STXBP4: variants seen among roughly 807,000 people sequenced by gnomAD.
The protein encoded by STXBP4 is syntaxin-binding protein 4.
In STXBP4, 55 loss-of-function variants were observed where a neutral mutation model predicts 76.1. That is an observed-to-expected ratio of 0.72 (90% confidence interval 0.58 to 0.91). The LOEUF (loss-of-function observed/expected upper bound fraction) is 0.91, where lower values mean the gene tolerates loss of function less well. Among genes scored for constraint, STXBP4 ranks in the 40% least tolerant of loss-of-function variants. STXBP4 has a pLI of 0.00. For synonymous variants in STXBP4, 201 were observed against 220.2 expected (o/e 0.91, Z 0.77); for missense variants, 618 against 636.9 (o/e 0.97, Z 0.32).
intron 4 of STXBP4, 36 bp downstream of exon 4, chr17:54,990,993 C>CA (rs746001686): frequency 1.3e-6 from 2 of 1,483,370 alleles, no homozygotes; most frequent in African/African-American, 2.9e-5. Context: ...AAAATACAAA[C>CA]AAAAAGACCC....
At chr17:55,146,824 A>G (rs867688862) in intron 17 of STXBP4, among the ~76,000 whole-genome samples, 18 of 152,214 alleles carry the variant, frequency 1.2e-4, no homozygotes, top group African/African-American at 4.1e-4. Flanking sequence ...TCACCATATC[A>G]TGAACACATA....
At chr17:55,187,722 C>T in the STXBP4 span, among the ~76,000 whole-genome samples, 53 of 152,204 alleles carry the variant, frequency 3.5e-4, no homozygotes, top group African/African-American at 1.2e-3. Context: ...GTCTGGACCA[C>T]GGGATGGCTG....
chr17:55,035,764 A>C (rs1470384196), intron 10 of STXBP4, among the ~76,000 whole-genome samples: 7 of 151,924 alleles, frequency 4.6e-5, no homozygotes, highest in South Asian at 4.1e-4. Flanking sequence ...GTCCCTTATG[A>C]AATTACCATA....
At chr17:54,992,664 TAGTAG>T (rs1225799834) in intron 4 of STXBP4, among the ~76,000 whole-genome samples, 1 of 150,654 alleles carries the variant, frequency 6.6e-6, no homozygotes, top group Non-Finnish European at 1.5e-5. Context: ...TATAATGCAA[TAGTAG>T]ATCAGGGTAC....
At chr17:55,194,818 A>G in the STXBP4 span, among the ~76,000 whole-genome samples, 1 of 152,194 alleles carries the variant, frequency 6.6e-6, no homozygotes, top group Non-Finnish European at 1.5e-5. Context: ...AGACAGGTAG[A>G]GCAGTGTGAG....
intron 17 of STXBP4, among the ~76,000 whole-genome samples, chr17:55,145,164 C>G (rs755018796): frequency 1.3e-5 from 2 of 152,126 alleles, no homozygotes; most frequent in Non-Finnish European, 2.9e-5. Flanking sequence ...GGAACTATTT[C>G]GTTTTGGTTT....
chr17:55,060,206 T>G (rs1024635928), intron 12 of STXBP4, among the ~76,000 whole-genome samples: 7 of 152,164 alleles, frequency 4.6e-5, no homozygotes, highest in African/African-American at 1.7e-4. Flanking sequence ...CCATGGATAC[T>G]ATTCAGCTTT....
intron 16 of STXBP4, among the ~76,000 whole-genome samples, chr17:55,132,021 G>C (rs2787487): frequency 0.63 from 96,522 of 152,044 alleles, 31,539 homozygotes; most frequent in African/African-American, 0.79. Flanking sequence ...CTGCACCTGG[G>C]CAACAGCAGT....
At chr17:55,074,351 C>T (rs1056454756) in intron 13 of STXBP4, among the ~76,000 whole-genome samples, 4 of 151,918 alleles carry the variant, frequency 2.6e-5, no homozygotes, top group East Asian at 1.9e-4. Context: ...TACCACAAGG[C>T]GAAGAGGAAA....
intron 1 of STXBP4, among the ~76,000 whole-genome samples, chr17:54,977,516 G>C (rs1472281913): frequency 6.6e-6 from 1 of 152,146 alleles, no homozygotes; most frequent in African/African-American, 2.4e-5. Context: ...TTATATCAGG[G>C]ACTTGAATAT....
chr17:55,175,989 G>A (rs1433585853), downstream of STXBP4, among the ~76,000 whole-genome samples: 3 of 152,208 alleles, frequency 2.0e-5, no homozygotes, highest in Non-Finnish European at 4.4e-5. Flanking sequence ...GGCAGGTGGG[G>A]AATAATTGGC....
chr17:55,111,355 T>C (rs2079712851), intron 16 of STXBP4, among the ~76,000 whole-genome samples: 1 of 152,166 alleles, frequency 6.6e-6, no homozygotes, highest in Non-Finnish European at 1.5e-5. Context: ...CATATTAGTG[T>C]TTTTGTAGTT....
At chr17:55,157,663 A>G (rs2080295236) in intron 17 of STXBP4, among the ~76,000 whole-genome samples, 1 of 152,218 alleles carries the variant, frequency 6.6e-6, no homozygotes, top group Non-Finnish European at 1.5e-5. Flanking sequence ...ACCGCTAGTA[A>G]TCTTCTTCCA....
At chr17:55,128,799 G>A (rs1407296338) in intron 16 of STXBP4, among the ~76,000 whole-genome samples, 1 of 151,982 alleles carries the variant, frequency 6.6e-6, no homozygotes. Context: ...TATTTTTGTA[G>A]AGACGGGGTT....
chr17:54,968,918 T>C, intron 1 of STXBP4, 103 bp downstream of exon 1: 1 of 400,436 alleles, frequency 2.5e-6, no homozygotes, highest in South Asian at 3.3e-5. Context: ...GCGTGCAAGC[T>C]TGCCATCACT....
intron 16 of STXBP4, among the ~76,000 whole-genome samples, chr17:55,133,703 G>A (rs1050814614): frequency 2.6e-5 from 4 of 152,092 alleles, no homozygotes; most frequent in African/African-American, 2.4e-5. Context: ...CTTTGCAGTC[G>A]AATAAACTGT....
intron 9 of STXBP4, among the ~76,000 whole-genome samples, chr17:55,032,291 T>C (rs1477085685): frequency 1.3e-5 from 2 of 152,122 alleles, no homozygotes; most frequent in East Asian, 3.8e-4. Context: ...AAAAAAGATA[T>C]TTTTCATCCC....
At chr17:55,092,717 T>A (rs1388858519) in intron 16 of STXBP4, among the ~76,000 whole-genome samples, 1 of 152,150 alleles carries the variant, frequency 6.6e-6, no homozygotes, top group African/African-American at 2.4e-5. Flanking sequence ...TGAAGCTAAT[T>A]AGAAGTTACT....
intron 16 of STXBP4, among the ~76,000 whole-genome samples, chr17:55,129,175 G>A (rs1009351834): frequency 2.0e-5 from 3 of 151,324 alleles, no homozygotes; most frequent in Admixed American, 1.3e-4. Context: ...TGATCCGCCC[G>A]CCTCGGCCTC....
Sources: allele counts gnomAD v4.1 joint callset (sites outside exome capture counted in the v4.1 genomes callset), GRCh38; gene constraint gnomAD v4.1.1; transcripts MANE v1.5; gene names NCBI Gene and HGNC (gene_info 2026-07-23, HGNC 2026-07-21).